Variants in DGKB observed in about 807,000 individuals in gnomAD.
DGKB encodes the protein 90 kDa diacylglycerol kinase.
A neutral mutation model predicts 114.3 loss-of-function variants in DGKB; 67 were observed. That is an observed-to-expected ratio of 0.59 (90% confidence interval 0.48 to 0.72). The LOEUF is 0.72. Among genes scored for constraint, DGKB ranks in the 30% least tolerant of loss-of-function variants. The probability of loss-of-function intolerance (pLI) is 0.00; values close to 1 mark genes in which losing one functional copy is unlikely to be tolerated. For synonymous variants in DGKB, 398 were observed against 323.1 expected (o/e 1.23, Z -2.49); for missense variants, 907 against 975.2 (o/e 0.93, Z 0.93).
At position 14,145,395 on chromosome 7, in the gene DGKB, AATT is replaced by A. The variant is rs895445985; in HGVS notation, c.*3733_*3735del. 43 of 152,120 alleles carry A rather than the reference AATT, an allele frequency of 2.8e-4. No individual in the cohort carries two copies. Among genetic ancestry groups the A allele is most frequent in the African/African-American group, 9.9e-4 (41 of 41,424 alleles). 9.4% of individuals were successfully genotyped at this position (152,120 alleles called of 1,614,324 possible). A position where few individuals can be genotyped will look rare whatever the true frequency, so the allele number is the denominator to read the frequency against. ...CGGAGAACATGATTCAATATTATTC[AATT>A]ATTATTTAATTGTTCAGTATTGAAT... is the stretch of plus-strand genomic sequence containing the variant. On this transcript the variant is annotated 3_prime_UTR_variant, in exon 26 of 26. Transcript: ENST00000402815.
intron 6 of DGKB, among the ~76,000 whole-genome samples, chr7:14,712,380 T>C (rs1827506030): frequency 1.3e-5 from 2 of 152,174 alleles, no homozygotes; most frequent in African/African-American, 4.8e-5. Context: ...CGCAAGTTTA[T>C]GAACATAAAT....
At chr7:14,546,446 T>G (rs1229064898) in intron 20 of DGKB, among the ~76,000 whole-genome samples, 1 of 152,162 alleles carries the variant, frequency 6.6e-6, no homozygotes, top group Non-Finnish European at 1.5e-5. Context: ...GAGACTTGAG[T>G]ACATGCAGGG....
intron 1 of DGKB, among the ~76,000 whole-genome samples, chr7:14,921,353 T>C (rs1258261559): frequency 6.6e-6 from 1 of 152,110 alleles, no homozygotes; most frequent in Non-Finnish European, 1.5e-5. Flanking sequence ...TATATACAAA[T>C]TCGGAACTAC....
chr7:14,687,134 G>T (rs12699653), intron 9 of DGKB, among the ~76,000 whole-genome samples: 25,033 of 152,104 alleles, frequency 0.16, 2,535 homozygotes, highest in South Asian at 0.36. Flanking sequence ...ATGAGATTTT[G>T]GAGGCAAGGT....
At chr7:14,641,469 C>T (rs565391543) in intron 13 of DGKB, among the ~76,000 whole-genome samples, 2 of 146,958 alleles carry the variant, frequency 1.4e-5, no homozygotes, top group East Asian at 4.0e-4. Flanking sequence ...TTGCTCAAGG[C>T]AGTTAACATT....
chr7:14,822,982 T>G (rs1358898924), intron 2 of DGKB, among the ~76,000 whole-genome samples: 1 of 152,006 alleles, frequency 6.6e-6, no homozygotes, highest in Non-Finnish European at 1.5e-5. Context: ...TTCAGCTGAA[T>G]TTACCAAGCA....
rs182865460 is a variant in DGKB at position 14,189,281 on chromosome 7, G to A, written c.2123-11130C>T. ...AGTGAACAAAAGTATAAATTTTAGG[G>A]GGAAGGAAAACTGTCTAGAGTAATT... On this transcript the variant is annotated intron_variant, in intron 23 of 25. Transcript: ENST00000402815. 3.9e-5 allele frequency among the ~76,000 whole-genome samples: 6 copies of A among 152,200 alleles called. No individual in the cohort carries two copies. In the East Asian group the frequency reaches 9.7e-4, roughly 25 times the overall value.
In DGKB at chr7:14,900,078, T is replaced by A. The variant is rs376658728; in HGVS notation, c.-188+2514A>T. ...AAGCTCTTGACACAGTATGTGCAAC[T>A]GCTGCACTCAAAATAACTGCCCACT... On this transcript the variant is annotated intron_variant, in intron 1 of 25. Coordinates refer to ENST00000402815, the MANE Select transcript of DGKB (RefSeq NM_001350709.2). Among the ~76,000 whole-genome samples the A allele has an allele frequency of 1.7e-4, 26 of 152,278 alleles. No individual in the cohort carries two copies. The South Asian group carries it at 5.4e-3, about 32-fold the overall frequency.
chr7:14,562,842 G>A (rs987026759), intron 20 of DGKB, among the ~76,000 whole-genome samples: 3 of 152,212 alleles, frequency 2.0e-5, no homozygotes. Flanking sequence ...TGCTGAAATG[G>A]GTTAATACTT....
chr7:14,699,419 A>C (rs1050042935), intron 7 of DGKB, among the ~76,000 whole-genome samples: 1 of 152,126 alleles, frequency 6.6e-6, no homozygotes, highest in Non-Finnish European at 1.5e-5. Flanking sequence ...ATATTAGGTA[A>C]GCCACCCCAC....
chr7:14,842,038 T>C (rs545499514), intron 1 of DGKB, among the ~76,000 whole-genome samples: 65 of 152,372 alleles, frequency 4.3e-4, no homozygotes, highest in Admixed American at 2.0e-4. Flanking sequence ...TAGGTTGTCA[T>C]GGACCTACAT....
chr7:14,453,680 AGTAGTAAACTTTCTTT>A (rs1417010913), intron 21 of DGKB, among the ~76,000 whole-genome samples: 1 of 152,138 alleles, frequency 6.6e-6, no homozygotes, highest in African/African-American at 2.4e-5. Context: ...CTATCACAGG[AGTAGTAAACTTTCTTT>A]GTAAAGGCCC....
At position 14,647,298 on chromosome 7, in the gene DGKB, C is replaced by T. The variant is rs1309948566; in HGVS notation, c.1135-17030G>A. Among the ~76,000 whole-genome samples the T allele has an allele frequency of 2.6e-5, 4 of 152,132 alleles. No homozygotes were observed. In the East Asian group the frequency reaches 7.7e-4, roughly 29 times the overall value. On this transcript the variant is annotated intron_variant, in intron 13 of 25. Transcript: ENST00000402815. ...ATCTGAACAGACCAATTACAAGTAA[C>T]AAGACTGAATCAGAAATAAAAAGTC...
intron 13 of DGKB, among the ~76,000 whole-genome samples, chr7:14,663,137 T>C (rs1817452553): frequency 5.9e-5 from 9 of 152,008 alleles, no homozygotes; most frequent in Admixed American, 5.9e-4. Flanking sequence ...AATGGTATAC[T>C]GCCAGAGTTC....
At chr7:14,263,169 T>A (rs1209664450) in intron 23 of DGKB, among the ~76,000 whole-genome samples, 1 of 152,188 alleles carries the variant, frequency 6.6e-6, no homozygotes, top group Non-Finnish European at 1.5e-5. Context: ...AGATTAATTA[T>A]TGATAACATA....
intron 17 of DGKB, among the ~76,000 whole-genome samples, chr7:14,601,235 T>C (rs1803491083): frequency 6.6e-6 from 1 of 152,278 alleles, no homozygotes; most frequent in East Asian, 1.9e-4. Flanking sequence ...CTAGAATGCA[T>C]TGAGCAGAAA....
At chr7:14,741,529 G>A (rs911770519) in intron 4 of DGKB, among the ~76,000 whole-genome samples, 2 of 152,092 alleles carry the variant, frequency 1.3e-5, no homozygotes, top group African/African-American at 4.8e-5. Context: ...GCTATTTTAC[G>A]GTGGCAGCCT....
intron 20 of DGKB, among the ~76,000 whole-genome samples, chr7:14,532,344 T>C (rs889504863): frequency 2.6e-5 from 4 of 151,290 alleles, no homozygotes; most frequent in Admixed American, 2.0e-4. Flanking sequence ...TCAGAGATTG[T>C]CAGCTAGGAT....
At chr7:14,761,453 A>G (rs1835683774) in intron 2 of DGKB, among the ~76,000 whole-genome samples, 1 of 152,128 alleles carries the variant, frequency 6.6e-6, no homozygotes, top group South Asian at 2.1e-4. Flanking sequence ...GCTTGTCCAA[A>G]TTTCTTCCTA....
Sources: gnomAD v4.1 joint callset for allele counts (sites outside exome capture counted in the v4.1 genomes callset) on GRCh38, gnomAD v4.1.1 for gene constraint, MANE v1.5 for transcripts, NCBI Gene and HGNC (gene_info 2026-07-23, HGNC 2026-07-21) for gene names.